The following NELL1 variants were observed in gnomAD, a reference collection of about 807,000 sequenced individuals.
NELL1 encodes protein kinase C-binding protein NELL1.
NELL1 carries 76 observed loss-of-function variants against 107.4 expected under a neutral mutation model. That is an observed-to-expected ratio of 0.71 (90% CI 0.59 to 0.86). The LOEUF (loss-of-function observed/expected upper bound fraction) is 0.86. Among genes scored for constraint, NELL1 ranks in the 40% least tolerant of loss-of-function variants. NELL1 has a pLI of 0.00. For missense variants in NELL1, 1,024 were observed against 1,005.5 expected, an observed-to-expected ratio of 1.02 and a Z score of -0.25; for synonymous variants, 353 against 341.2, an observed-to-expected ratio of 1.03 and a Z score of -0.38.
chr11:20,739,636 G>C (rs1054970028), intron 2 of NELL1, among the ~76,000 whole-genome samples: 1 of 152,168 alleles, frequency 6.6e-6, no homozygotes, highest in African/African-American at 2.4e-5. Context: ...CCTTGCTCAA[G>C]TGACCTGCAA....
intron 15 of NELL1, among the ~76,000 whole-genome samples, chr11:21,378,581 A>G (rs1421839874): frequency 6.6e-6 from 1 of 152,022 alleles, no homozygotes; most frequent in Admixed American, 6.6e-5. Context: ...CACCCAAGGA[A>G]CATGTGACTC....
chr11:20,704,276 T>G (rs915572331), intron 2 of NELL1, among the ~76,000 whole-genome samples: 6 of 152,230 alleles, frequency 3.9e-5, no homozygotes, highest in African/African-American at 1.4e-4. Flanking sequence ...CTTTGTCTCT[T>G]TTGATCTTTG....
At chr11:21,346,302 T>C (rs979095730) in intron 14 of NELL1, among the ~76,000 whole-genome samples, 1 of 152,028 alleles carries the variant, frequency 6.6e-6, no homozygotes, top group Admixed American at 6.6e-5. Flanking sequence ...GTGAATTCCA[T>C]TGAATCAAGA....
At chr11:21,076,318 T>A (rs1854135411) in intron 12 of NELL1, among the ~76,000 whole-genome samples, 1 of 152,214 alleles carries the variant, frequency 6.6e-6, no homozygotes, top group Non-Finnish European at 1.5e-5. Flanking sequence ...CTCACTTTCA[T>A]CCACTAGAGC....
At chr11:21,550,293 C>T (rs1564955308) in intron 16 of NELL1, among the ~76,000 whole-genome samples, 3 of 151,902 alleles carry the variant, frequency 2.0e-5, no homozygotes, top group Non-Finnish European at 4.4e-5. Context: ...TGTAGGTTGC[C>T]TGTTCACTCT....
intron 15 of NELL1, among the ~76,000 whole-genome samples, chr11:21,479,608 C>G (rs1854437686): frequency 6.6e-6 from 1 of 151,988 alleles, no homozygotes; most frequent in Admixed American, 6.6e-5. Flanking sequence ...TTAATAAGAT[C>G]TATAATTTGA....
At chr11:21,514,495 C>A (rs552027059) in intron 15 of NELL1, among the ~76,000 whole-genome samples, 4 of 152,182 alleles carry the variant, frequency 2.6e-5, no homozygotes, top group African/African-American at 9.6e-5. Flanking sequence ...AGAGTCCATG[C>A]GCCACCTAAA....
At chr11:20,964,765 T>C (rs576071554) in intron 12 of NELL1, among the ~76,000 whole-genome samples, 1 of 152,268 alleles carries the variant, frequency 6.6e-6, no homozygotes, top group Non-Finnish European at 1.5e-5. Context: ...GACATGTAGT[T>C]TCAGAGTAGA....
chr11:20,937,640 T>A, intron 9 of NELL1, 146 bp from the exon 10 acceptor site: 1 of 637,796 alleles, frequency 1.6e-6, no homozygotes. Flanking sequence ...CTCCACACAA[T>A]TCCTTTCACT....
At chr11:20,847,328 T>C (rs1833580214) in intron 3 of NELL1, among the ~76,000 whole-genome samples, 1 of 152,200 alleles carries the variant, frequency 6.6e-6, no homozygotes, top group South Asian at 2.1e-4. Flanking sequence ...TGAGTTTTGC[T>C]AATTAGCTGT....
intron 9 of NELL1, among the ~76,000 whole-genome samples, chr11:20,929,939 T>C (rs1403463912): frequency 1.4e-5 from 2 of 144,792 alleles, no homozygotes; most frequent in Non-Finnish European, 3.0e-5. Context: ...GCCACTGCAC[T>C]CCAGCCTGGG....
In NELL1 at chr11:20,861,066, T is replaced by C. The variant is rs112048630; in HGVS notation, c.506+13313T>C. Among the ~76,000 whole-genome samples, 574 of 152,324 alleles carry C rather than the reference T, an allele frequency of 3.8e-3. 4 individuals are homozygous for C. The highest frequency in any genetic ancestry group is 8.4e-3 in the Admixed American group (128 of 15,302). ...AGGGTTTCATGACTCCCAGGCTATA[T>C]TGGTGTAGCCTTAGTGTGAAGATCA... On this transcript the variant is annotated intron_variant, in intron 4 of 19. Transcript: ENST00000357134.
intron 15 of NELL1, among the ~76,000 whole-genome samples, chr11:21,455,877 T>C (rs1186378488): frequency 2.1e-3 from 4 of 1,864 alleles, no homozygotes; most frequent in Non-Finnish European, 2.5e-3. Flanking sequence ...TTTCTTTTCT[T>C]TTTTTTTTTT....
intron 15 of NELL1, among the ~76,000 whole-genome samples, chr11:21,491,741 A>C (rs1224764342): frequency 1.3e-5 from 2 of 152,102 alleles, no homozygotes; most frequent in Non-Finnish European, 2.9e-5. Flanking sequence ...GAAGAAAGTC[A>C]TTGGTAGCTT....
At chr11:21,373,655 C>T (rs1034450018) in intron 15 of NELL1, among the ~76,000 whole-genome samples, 5 of 152,102 alleles carry the variant, frequency 3.3e-5, no homozygotes, top group African/African-American at 9.7e-5. Context: ...AATAATCCCA[C>T]TTGTGTTTGG....
intron 13 of NELL1, among the ~76,000 whole-genome samples, chr11:21,173,271 G>A (rs1480537701): frequency 6.6e-6 from 1 of 151,752 alleles, no homozygotes; most frequent in Non-Finnish European, 1.5e-5. Flanking sequence ...CTTGACTGTA[G>A]AGGCCAGTGA....
intron 11 of NELL1, among the ~76,000 whole-genome samples, chr11:20,953,952 G>A (rs1007357324): frequency 6.6e-6 from 1 of 152,106 alleles, no homozygotes; most frequent in Non-Finnish European, 1.5e-5. Flanking sequence ...CTATTGTCTG[G>A]TATAATGCCT....
Position 20,826,713 on chromosome 11 carries a change from C to T in NELL1, c.336-20870C>T, listed in dbSNP as rs1354872177. On this transcript the variant is annotated intron_variant, in intron 3 of 19. Transcript: ENST00000357134. ...GCTGACCTATAGAAGCTGGCCTTCC[C>T]TGAAGTTATTGCCATAAAAACCCCT... 2.6e-5 allele frequency among the ~76,000 whole-genome samples: 4 copies of T among 151,074 alleles called. 1 individual carries two copies. Among genetic ancestry groups the T allele is most frequent in the African/African-American group, 9.7e-5 (4 of 41,340 alleles).
At chr11:21,454,382 T>TA in intron 15 of NELL1, among the ~76,000 whole-genome samples, 1 of 152,128 alleles carries the variant, frequency 6.6e-6, no homozygotes, top group Middle Eastern at 3.4e-3. Context: ...AATGCCGCAA[T>TA]AAACATACGT....
Sources: allele counts gnomAD v4.1 joint callset (sites outside exome capture counted in the v4.1 genomes callset), GRCh38; gene constraint gnomAD v4.1.1; transcripts MANE v1.5; gene names NCBI Gene and HGNC (gene_info 2026-07-23, HGNC 2026-07-21).